Variants in GORASP2 observed in about 807,000 individuals in gnomAD.
GORASP2 encodes Golgi reassembly-stacking protein 2.
Under a neutral mutation model 45.7 loss-of-function variants are expected in GORASP2, and 22 were observed. The observed-to-expected ratio is 0.48, with a 90% CI of 0.34 to 0.69. The LOEUF (loss-of-function observed/expected upper bound fraction) is 0.69, where lower values mean the gene tolerates loss of function less well. Among genes scored for constraint, GORASP2 ranks in the 30% least tolerant of loss-of-function variants. The probability of loss-of-function intolerance (pLI) is 0.01; values close to 1 mark genes in which losing one functional copy is unlikely to be tolerated. For synonymous variants in GORASP2, 221 were observed against 215.6 expected (o/e 1.02, Z -0.22); for missense variants, 491 against 562.7 (o/e 0.87, Z 1.29).
chr2:170,941,550 A>G (rs749082273), intron 1 of GORASP2, among the ~76,000 whole-genome samples: 1 of 152,196 alleles, frequency 6.6e-6, no homozygotes, highest in East Asian at 1.9e-4. Context: ...CCTCCACAGG[A>G]TGAATATCCT....
At chr2:170,947,605 A>G (rs1704206758) in intron 1 of GORASP2, among the ~76,000 whole-genome samples, 1 of 152,084 alleles carries the variant, frequency 6.6e-6, no homozygotes, top group Non-Finnish European at 1.5e-5. Context: ...ATTCCTCAAC[A>G]GATTATAAAT....
chr2:170,962,000 C>CAG (rs546485853), intron 8 of GORASP2, among the ~76,000 whole-genome samples: 56 of 152,340 alleles, frequency 3.7e-4, no homozygotes, highest in Non-Finnish European at 5.1e-4. Flanking sequence ...CAGCGGCCAC[C>CAG]TACTGCCCCT....
At position 170,931,582 on chromosome 2, in the gene GORASP2, T is replaced by C. The variant is rs1053771251; in HGVS notation, c.63+2179T>C. Reference sequence around the variant, plus strand: ...GAATAACCAATTCCCTGGCCAATCTTGTTGTAGTAAAAACTTAATATGATT... The same window carrying C: ...GAATAACCAATTCCCTGGCCAATCTCGTTGTAGTAAAAACTTAATATGATT... On this transcript the variant is annotated intron_variant, in intron 1 of 9. Coordinates refer to ENST00000234160, the MANE Select transcript of GORASP2 (RefSeq NM_015530.5). Among the ~76,000 whole-genome samples, 6 of 152,260 alleles carry C rather than the reference T, an allele frequency of 3.9e-5. No homozygotes were observed. In the South Asian group the frequency reaches 6.2e-4, roughly 16 times the overall value.
intron 5 of GORASP2, 60 bp from the exon 6 acceptor site, chr2:170,954,590 C>A (rs1704379232): frequency 9.6e-4 from 1,005 of 1,047,228 alleles, no homozygotes; most frequent in Non-Finnish European, 1.2e-3. Flanking sequence ...CCAAAAAAAA[C>A]ACCTCAAAGA....
chr2:170,959,921 A>G (rs1423283431), intron 7 of GORASP2, among the ~76,000 whole-genome samples: 2 of 148,414 alleles, frequency 1.3e-5, no homozygotes, highest in East Asian at 4.0e-4. Flanking sequence ...TCCTGGGTTC[A>G]AGTGATTCTC....
intron 1 of GORASP2, among the ~76,000 whole-genome samples, chr2:170,932,003 A>T (rs1412587817): frequency 6.6e-6 from 1 of 152,238 alleles, no homozygotes; most frequent in Non-Finnish European, 1.5e-5. Flanking sequence ...AGGTGGGCGG[A>T]TCACCTGAGG....
chr2:170,963,960 T>TA (rs5836315), intron 9 of GORASP2, among the ~76,000 whole-genome samples: 32,973 of 150,492 alleles, frequency 0.22, 4,112 homozygotes, highest in Non-Finnish European at 0.29. Context: ...TCTTCTTTTG[T>TA]AAAAAAAAAA....
Position 170,965,820 on chromosome 2 carries a change from G to A in GORASP2, c.1049G>A (p.Arg350Gln), listed in dbSNP as rs763981390. 9 of 1,613,664 alleles carry A rather than the reference G, an allele frequency of 5.6e-6. No homozygotes were observed. The highest frequency in any genetic ancestry group is 6.8e-6 in the Non-Finnish European group (8 of 1,179,972). The change falls in exon 10 of 10, where the codon CGA (arginine) becomes CAA (glutamine). Residue 350 changes from arginine to glutamine, a missense_variant. Arg to Gln is a conservative substitution (Grantham distance 43). Coordinates refer to ENST00000234160, the MANE Select transcript of GORASP2 (RefSeq NM_015530.5). Reference sequence around the variant, plus strand: ...CCACCTCTTCCTTCCATGCCTCCCCGAAACTTACCTGGCATTGCACCTCTC... The same window carrying A: ...CCACCTCTTCCTTCCATGCCTCCCCAAAACTTACCTGGCATTGCACCTCTC... ...GLPPLPSMPP[R>Q]NLPGIAPLPL...
At chr2:170,941,613 G>A (rs1254388480) in intron 1 of GORASP2, among the ~76,000 whole-genome samples, 1 of 152,136 alleles carries the variant, frequency 6.6e-6, no homozygotes, top group Non-Finnish European at 1.5e-5. Flanking sequence ...TGTATAAGGG[G>A]AACCATGTGC....
chr2:170,948,434 A>C lies in GORASP2; in HGVS notation c.144+4A>C, dbSNP rs200398079. The C allele has an allele frequency of 8.2e-6, 12 of 1,462,722 alleles. No homozygotes were observed. The highest frequency in any genetic ancestry group is 1.1e-5 in the Non-Finnish European group (12 of 1,047,756). The allele number at this position is 1,462,722 out of a possible 1,614,324, so 90.6% of individuals were successfully genotyped here. A position where few individuals can be genotyped will look rare whatever the true frequency, so the allele number is the denominator to read the frequency against. On this transcript the variant is annotated splice_donor_region_variant and intron_variant, in intron 2 of 9. Coordinates refer to ENST00000234160, the MANE Select transcript of GORASP2 (RefSeq NM_015530.5). Reference sequence around the variant, plus strand: ...TTCTATTAATGGTTCAAGATTAGTAAGTTCAACTTTCTGTAGTTTTGTCTA... The same window carrying C: ...TTCTATTAATGGTTCAAGATTAGTACGTTCAACTTTCTGTAGTTTTGTCTA...
In GORASP2 at chr2:170,956,494, AAC is replaced by A. The variant is rs772524687; in HGVS notation, c.760_761del (p.Gln254GlufsTer8). 1 of 1,613,516 alleles carries A rather than the reference AAC, an allele frequency of 6.2e-7. No individual in the cohort carries two copies. Among genetic ancestry groups the A allele is most frequent in the Non-Finnish European group, 8.5e-7 (1 of 1,179,542 alleles). Reference sequence around the variant, plus strand: ...TCACCACCAGGAACTACAGGAATTGAACAGAGTCTGACTGGACTTTCTATTAG... The same window carrying A: ...TCACCACCAGGAACTACAGGAATTGAAGAGTCTGACTGGACTTTCTATTAG... On this transcript the variant is annotated frameshift_variant, in exon 7 of 10. Coordinates refer to ENST00000234160, the MANE Select transcript of GORASP2 (RefSeq NM_015530.5). LOFTEE classifies it high-confidence loss of function.
intron 7 of GORASP2, among the ~76,000 whole-genome samples, chr2:170,957,716 GT>G (rs1454851272): frequency 6.6e-6 from 1 of 152,234 alleles, no homozygotes; most frequent in East Asian, 1.9e-4. Flanking sequence ...ACAATCCAGT[GT>G]TTTTTTAGTG....
At chr2:170,954,589 A>C in intron 5 of GORASP2, 61 bp from the exon 6 acceptor site, 1 of 1,484,704 alleles carries the variant, frequency 6.7e-7, no homozygotes, top group Non-Finnish European at 9.2e-7. Flanking sequence ...CCCAAAAAAA[A>C]CACCTCAAAG....
At chr2:170,955,762 G>C (rs149016079) in intron 6 of GORASP2, among the ~76,000 whole-genome samples, 1 of 152,210 alleles carries the variant, frequency 6.6e-6, no homozygotes, top group Non-Finnish European at 1.5e-5. Flanking sequence ...ACCTCTTTGG[G>C]TAGTCTGAGA....
intron 1 of GORASP2, among the ~76,000 whole-genome samples, chr2:170,942,212 C>G (rs1264229490): frequency 1.3e-5 from 2 of 152,092 alleles, no homozygotes; most frequent in Non-Finnish European, 2.9e-5. Flanking sequence ...CTGTTTTAAG[C>G]AACTTTATTG....
chr2:170,955,215 AGT>A (rs1320957994), intron 6 of GORASP2, among the ~76,000 whole-genome samples: 1 of 152,098 alleles, frequency 6.6e-6, no homozygotes, highest in African/African-American at 2.4e-5. Context: ...AGGTGAAAGG[AGT>A]GAAAAAAACC....
Position 170,946,693 on chromosome 2 carries a change from AGGCCGAGGCG to A in GORASP2, c.64-1653_64-1644del, listed in dbSNP as rs941246311. Among the ~76,000 whole-genome samples, 172 of 146,598 alleles carry A rather than the reference AGGCCGAGGCG, an allele frequency of 1.2e-3. 1 individual carries two copies. The highest frequency in any genetic ancestry group is 4.2e-3 in the African/African-American group (169 of 39,960). On this transcript the variant is annotated intron_variant, in intron 1 of 9. Transcript: ENST00000234160. Reference sequence around the variant, plus strand: ...ACACCTGTAATCCCAACACATTGGGAGGCCGAGGCGGGCAGATCACTTGAGGCCAGGAGTT... The same window carrying A: ...ACACCTGTAATCCCAACACATTGGGAGGCAGATCACTTGAGGCCAGGAGTT...
chr2:170,954,268 G>A (rs1375174309), intron 5 of GORASP2: 4 of 164,378 alleles, frequency 2.4e-5, no homozygotes, highest in Admixed American at 6.2e-5. Flanking sequence ...GCCATGTGCC[G>A]GCAGCTATGA....
At chr2:170,965,733 T>C (rs1704668967) in intron 9 of GORASP2, 57 bp from the exon 10 acceptor site, 1 of 1,181,398 alleles carries the variant, frequency 8.5e-7, no homozygotes, top group Non-Finnish European at 1.3e-6. Flanking sequence ...CCTTTGACAA[T>C]GCCTGCTGTC....
Sources: gnomAD v4.1 joint callset for allele counts (sites outside exome capture counted in the v4.1 genomes callset) on GRCh38, gnomAD v4.1.1 for gene constraint, MANE v1.5 for transcripts, NCBI Gene and HGNC (gene_info 2026-07-23, HGNC 2026-07-21) for gene names.